The following GALNT13 variants were observed in gnomAD, a reference collection of about 807,000 sequenced individuals.
The protein encoded by GALNT13 is UDP-GalNAc:polypeptide N-acetylgalactosaminyltransferase 13.
Under a neutral mutation model 64.2 loss-of-function variants are expected in GALNT13, and 28 were observed. That is an observed-to-expected ratio of 0.44 (90% CI 0.32 to 0.60). The LOEUF is 0.60. GALNT13 is among the 20% of genes least tolerant of loss of function. The pLI, the probability that GALNT13 is intolerant of heterozygous loss-of-function variation, is 0.05. For synonymous variants in GALNT13, 214 were observed against 224.6 expected (o/e 0.95, Z 0.42); for missense variants, 577 against 669.8 (o/e 0.86, Z 1.53).
At chr2:154,107,971 A>ATATATACCACATTTCTT (rs1702712998) in intron 3 of GALNT13, among the ~76,000 whole-genome samples, 1 of 152,154 alleles carries the variant, frequency 6.6e-6, no homozygotes, top group Non-Finnish European at 1.5e-5. Flanking sequence ...GTCATTGGGT[A>ATATATACCACATTTCTT]TATATACCAC....
chr2:154,124,027 T>C (rs556942809), intron 3 of GALNT13, among the ~76,000 whole-genome samples: 2 of 152,196 alleles, frequency 1.3e-5, no homozygotes, highest in South Asian at 2.1e-4. Flanking sequence ...AATAATACTT[T>C]AAATAAAGGT....
intron 8 of GALNT13, among the ~76,000 whole-genome samples, chr2:154,282,776 G>GC (rs1231535274): frequency 6.6e-6 from 1 of 152,068 alleles, no homozygotes; most frequent in African/African-American, 2.4e-5. Context: ...CTGGCTTCTG[G>GC]CAGGTGACCA....
the GALNT13 span, among the ~76,000 whole-genome samples, chr2:153,596,792 T>G: frequency 1.3e-5 from 2 of 152,078 alleles, no homozygotes; most frequent in African/African-American, 4.8e-5. Context: ...TGTGTACATA[T>G]GCATGCAAAT....
the GALNT13 span, among the ~76,000 whole-genome samples, chr2:153,779,115 T>C: frequency 4.1e-4 from 62 of 152,236 alleles, no homozygotes; most frequent in African/African-American, 1.2e-3. Flanking sequence ...TAGTACATAA[T>C]AAGTACTGAA....
At chr2:153,788,702 G>C in the GALNT13 span, among the ~76,000 whole-genome samples, 1 of 152,086 alleles carries the variant, frequency 6.6e-6, no homozygotes, top group Non-Finnish European at 1.5e-5. Flanking sequence ...ATCTTCAAGA[G>C]ATCTAACTCA....
At chr2:153,833,994 CAAT>C in the GALNT13 span, among the ~76,000 whole-genome samples, 44,147 of 151,012 alleles carry the variant, frequency 0.29, 6,985 homozygotes, top group Middle Eastern at 0.42. Flanking sequence ...GATTTCTTAA[CAAT>C]GTTACTGATA....
the GALNT13 span, among the ~76,000 whole-genome samples, chr2:153,456,475 A>G: frequency 6.6e-6 from 1 of 152,190 alleles, no homozygotes; most frequent in African/African-American, 2.4e-5. Flanking sequence ...AGCCTGGTTA[A>G]GGAAAGCTCA....
chr2:153,088,489 T>C, the GALNT13 span, among the ~76,000 whole-genome samples: 2 of 152,124 alleles, frequency 1.3e-5, no homozygotes, highest in Admixed American at 1.3e-4. Context: ...TGTTCTAGGG[T>C]ATAGTTCGAG....
chr2:153,883,857 ATATACATGG>A (rs1686953822), intron 1 of GALNT13, among the ~76,000 whole-genome samples: 1 of 152,126 alleles, frequency 6.6e-6, no homozygotes, highest in Admixed American at 6.6e-5. Context: ...TTTATATTAA[ATATACATGG>A]TATTTACTGA....
the GALNT13 span, among the ~76,000 whole-genome samples, chr2:153,369,429 TAA>T: frequency 4.4e-3 from 479 of 109,356 alleles, 1 homozygote; most frequent in Non-Finnish European, 6.9e-3. Flanking sequence ...TCTAAAAAAA[TAA>T]GAGAGAACAC....
chr2:154,044,429 C>A (rs1699176735), intron 3 of GALNT13, among the ~76,000 whole-genome samples: 2 of 152,192 alleles, frequency 1.3e-5, no homozygotes, highest in Non-Finnish European at 2.9e-5. Context: ...CAGTGTCAGT[C>A]ATGTAGCAAG....
the GALNT13 span, among the ~76,000 whole-genome samples, chr2:153,650,371 A>G: frequency 6.6e-6 from 1 of 151,528 alleles, no homozygotes; most frequent in Non-Finnish European, 1.5e-5. Context: ...TGCACTTGAG[A>G]AGGGTTTTCT....
chr2:153,539,147 G>C, the GALNT13 span, among the ~76,000 whole-genome samples: 1 of 147,898 alleles, frequency 6.8e-6, no homozygotes, highest in Non-Finnish European at 1.5e-5. Context: ...GGCCAGTGAT[G>C]ATGAGCATTT....
intron 9 of GALNT13, among the ~76,000 whole-genome samples, chr2:154,350,472 G>A (rs1696330605): frequency 6.6e-6 from 1 of 152,164 alleles, no homozygotes; most frequent in South Asian, 2.1e-4. Flanking sequence ...GTTTGCCAGG[G>A]GCTCTCGGGC....
At chr2:153,581,084 T>G in the GALNT13 span, among the ~76,000 whole-genome samples, 1 of 152,140 alleles carries the variant, frequency 6.6e-6, no homozygotes, top group East Asian at 1.9e-4. Context: ...GTCTCTGTCT[T>G]TTTCATGTCT....
At chr2:154,243,584 A>G (rs563206583) in intron 6 of GALNT13, among the ~76,000 whole-genome samples, 1 of 152,210 alleles carries the variant, frequency 6.6e-6, no homozygotes, top group Non-Finnish European at 1.5e-5. Flanking sequence ...AATAAATAAC[A>G]CTTATAGAAA....
chr2:153,760,664 T>C, the GALNT13 span, among the ~76,000 whole-genome samples: 1 of 152,164 alleles, frequency 6.6e-6, no homozygotes, highest in South Asian at 2.1e-4. Flanking sequence ...ATGTAATCTA[T>C]CCTGGAGAAT....
At chr2:153,572,886 A>G in the GALNT13 span, among the ~76,000 whole-genome samples, 1 of 152,010 alleles carries the variant, frequency 6.6e-6, no homozygotes, top group Non-Finnish European at 1.5e-5. Context: ...AGAATGATCC[A>G]TGTGCTAAGA....
intron 11 of GALNT13, among the ~76,000 whole-genome samples, chr2:154,426,069 A>G (rs1459585306): frequency 6.6e-6 from 1 of 152,166 alleles, no homozygotes; most frequent in East Asian, 1.9e-4. Flanking sequence ...TTCTCTGCTC[A>G]GGGTCTCACA....
Sources: gnomAD v4.1 joint callset for allele counts (sites outside exome capture counted in the v4.1 genomes callset) on GRCh38, gnomAD v4.1.1 for gene constraint, MANE v1.5 for transcripts, NCBI Gene and HGNC (gene_info 2026-07-23, HGNC 2026-07-21) for gene names.